The following SAMD5 variants were observed in gnomAD, a reference collection of about 807,000 sequenced individuals.
The protein encoded by SAMD5 is sterile alpha motif domain-containing protein 5.
SAMD5 carries 13 observed loss-of-function variants against 11.3 expected under a neutral mutation model. The ratio of observed to expected loss-of-function variants is 1.15; its 90% CI spans 0.75 to 1.83. The LOEUF is 1.83. SAMD5 is among the 40% of genes most tolerant of loss of function. SAMD5 has a pLI of 0.00. For synonymous variants in SAMD5, 129 were observed against 111.3 expected (o/e 1.16, Z -1.00); for missense variants, 255 against 239.1 (o/e 1.07, Z -0.44).
chr6:147,800,153 T>C, the SAMD5 span, among the ~76,000 whole-genome samples: 1 of 152,232 alleles, frequency 6.6e-6, no homozygotes, highest in East Asian at 1.9e-4. Flanking sequence ...CTCTGATTTT[T>C]AGAGTTTCCA....
At chr6:147,810,633 G>A in the SAMD5 span, among the ~76,000 whole-genome samples, 3 of 152,318 alleles carry the variant, frequency 2.0e-5, no homozygotes, top group South Asian at 6.2e-4. Flanking sequence ...GGCCTTTTAA[G>A]AGGAACAAAT....
At position 147,567,387 on chromosome 6, in the gene SAMD5, ACTCAG is replaced by A. The variant is rs1258900012; in HGVS notation, c.*2932_*2936del. 46 of 984,078 alleles carry A rather than the reference ACTCAG, an allele frequency of 4.7e-5. No individual in the cohort carries two copies. The highest frequency in any genetic ancestry group is 5.4e-5 in the Non-Finnish European group (45 of 828,800). The allele number at this position is 984,078 out of a possible 1,614,324, so 61.0% of individuals were successfully genotyped here. A position where few individuals can be genotyped will look rare whatever the true frequency, so the allele number is the denominator to read the frequency against. On this transcript the variant is annotated 3_prime_UTR_variant, in exon 2 of 2. Coordinates refer to ENST00000367474, the MANE Select transcript of SAMD5 (RefSeq NM_001030060.3). ...AGCATTGAGCTTTCACTTTGGAGTT[ACTCAG>A]ATCTGAGTTTAAATTCTAAAATTAT... is the stretch of plus-strand genomic sequence containing the variant.
At chr6:147,772,471 G>A in the SAMD5 span, among the ~76,000 whole-genome samples, 1 of 152,194 alleles carries the variant, frequency 6.6e-6, no homozygotes, top group South Asian at 2.1e-4. Context: ...GTTTGTTCAG[G>A]CTGTCATAAC....
Position 147,711,265 on chromosome 6 carries a change from A to G in SAMD5, c.163-26052A>G, listed in dbSNP as rs181002958. On this transcript the variant is annotated intron_variant, in intron 1 of 1. Coordinates refer to the SAMD5 transcript ENST00000566741. The surrounding 1 kb of genome is among the most constrained non-coding windows in gnomAD (Gnocchi z 4.1). ...AAGTGGGCCTCGGAGAGTTCAGCCCATTGTCAGGGGTTTCACAGCTCGTAG... is the reference window on the plus strand; with the variant it reads ...AAGTGGGCCTCGGAGAGTTCAGCCCGTTGTCAGGGGTTTCACAGCTCGTAG... 6.6e-6 allele frequency among the ~76,000 whole-genome samples: 1 copy of G among 152,290 alleles called. No homozygotes were observed. The highest frequency in any genetic ancestry group is 1.9e-4 in the East Asian group (1 of 5,182).
At chr6:147,777,108 T>A in the SAMD5 span, among the ~76,000 whole-genome samples, 6 of 152,156 alleles carry the variant, frequency 3.9e-5, no homozygotes, top group Non-Finnish European at 7.4e-5. Context: ...AAAGCATGAA[T>A]GTTAGGCCCA....
At chr6:147,730,222 C>A in intron 1 of SAMD5, 1 of 381,452 alleles carries the variant, frequency 2.6e-6, no homozygotes, top group South Asian at 2.0e-5. Context: ...AATTGGAAGA[C>A]ATCAGAAGAT....
At chr6:147,544,310 C>G (rs1489866166) in intron 1 of SAMD5, among the ~76,000 whole-genome samples, 3 of 152,044 alleles carry the variant, frequency 2.0e-5, no homozygotes, top group Non-Finnish European at 4.4e-5. Flanking sequence ...ATCATTCTTC[C>G]CAGAGTAACA....
chr6:147,644,764 T>C (rs557508774), intron 1 of SAMD5, among the ~76,000 whole-genome samples: 1 of 152,374 alleles, frequency 6.6e-6, no homozygotes, highest in Admixed American at 6.5e-5. Context: ...TCCCCAGTAT[T>C]CTGCCGTGAC....
chr6:147,742,136 G>A (rs1416882075), downstream of SAMD5, among the ~76,000 whole-genome samples: 2 of 152,106 alleles, frequency 1.3e-5, no homozygotes, highest in African/African-American at 4.8e-5. Context: ...AGTTTTATAT[G>A]TGCAAAAATG....
the SAMD5 span, among the ~76,000 whole-genome samples, chr6:147,832,461 C>T: frequency 6.6e-6 from 1 of 152,126 alleles, no homozygotes; most frequent in Non-Finnish European, 1.5e-5. Context: ...CCCCAATATT[C>T]TACCAATAAA....
chr6:147,872,812 G>T, the SAMD5 span, among the ~76,000 whole-genome samples: 1 of 152,028 alleles, frequency 6.6e-6, no homozygotes, highest in Admixed American at 6.6e-5. Flanking sequence ...CAAATGGATG[G>T]GTCAGTACCA....
chr6:147,604,114 C>A (rs1478566574), intron 1 of SAMD5, among the ~76,000 whole-genome samples: 1 of 151,946 alleles, frequency 6.6e-6, no homozygotes, highest in African/African-American at 2.4e-5. Context: ...GTTTCTAACA[C>A]GAAGACTGAC....
the SAMD5 span, among the ~76,000 whole-genome samples, chr6:147,920,295 C>T: frequency 2.0e-5 from 3 of 152,156 alleles, no homozygotes; most frequent in Non-Finnish European, 2.9e-5. Flanking sequence ...ATCTTTTTCC[C>T]GTGCTGGATG....
the SAMD5 span, among the ~76,000 whole-genome samples, chr6:147,874,947 A>G: frequency 6.6e-6 from 1 of 152,078 alleles, no homozygotes; most frequent in Admixed American, 6.5e-5. Context: ...ACATGACTTC[A>G]CTCAGAGAAA....
the SAMD5 span, among the ~76,000 whole-genome samples, chr6:147,905,948 T>C: frequency 6.6e-6 from 1 of 152,186 alleles, no homozygotes; most frequent in Non-Finnish European, 1.5e-5. Context: ...ATTTGAGGGC[T>C]GCATGGGGCC....
intron 1 of SAMD5, among the ~76,000 whole-genome samples, chr6:147,721,006 T>C (rs1791543748): frequency 8.4e-6 from 1 of 119,312 alleles, no homozygotes; most frequent in East Asian, 2.5e-4. Flanking sequence ...ATTTCATCCA[T>C]GTCCCTACAA....
At chr6:147,820,116 A>G in the SAMD5 span, among the ~76,000 whole-genome samples, 1 of 152,150 alleles carries the variant, frequency 6.6e-6, no homozygotes, top group East Asian at 1.9e-4. Flanking sequence ...TTGATTTTAT[A>G]CTTTCAGTTG....
the SAMD5 span, among the ~76,000 whole-genome samples, chr6:147,896,504 G>A: frequency 3.6e-4 from 54 of 151,938 alleles, 1 homozygote; most frequent in Admixed American, 3.1e-3. Context: ...TTAGGGAGCC[G>A]GAGTCTCTGC....
chr6:147,696,330 T>C (rs1219377374), intron 1 of SAMD5, among the ~76,000 whole-genome samples: 1 of 150,046 alleles, frequency 6.7e-6, no homozygotes, highest in Non-Finnish European at 1.5e-5. Context: ...TAATGTCTGA[T>C]GATGGCTTAC....
Sources: allele counts gnomAD v4.1 joint callset (sites outside exome capture counted in the v4.1 genomes callset), GRCh38; gene constraint gnomAD v4.1.1; non-coding constraint Gnocchi (gnomAD v3.1); transcripts MANE v1.5; gene names NCBI Gene and HGNC (gene_info 2026-07-23, HGNC 2026-07-21).